The following CSMD1 variants were observed in gnomAD, a reference collection of about 807,000 sequenced individuals.
The protein encoded by CSMD1 is CUB and sushi domain-containing protein 1.
A neutral mutation model predicts 417.5 loss-of-function variants in CSMD1; 213 were observed. The observed-to-expected ratio is 0.51, with a 90% CI of 0.46 to 0.57. CSMD1 has a LOEUF of 0.57. Among genes scored for constraint, CSMD1 ranks in the 20% least tolerant of loss-of-function variants. The pLI, the probability that CSMD1 is intolerant of heterozygous loss-of-function variation, is 0.00. For missense variants in CSMD1, 6,923 were observed against 4,529.7 expected (o/e 1.53, Z -15.17); for synonymous variants, 2,862 against 1,736.8 (o/e 1.65, Z -16.11).
intron 1 of CSMD1, among the ~76,000 whole-genome samples, chr8:4,870,995 G>A (rs971987513): frequency 5.9e-5 from 9 of 152,062 alleles, no homozygotes; most frequent in East Asian, 1.9e-4. Flanking sequence ...ATGCCACAGG[G>A]TCTGGTCTGG....
intron 1 of CSMD1, 28 bp from the exon 2 acceptor site, chr8:4,637,586 C>G: frequency 7.0e-7 from 1 of 1,428,742 alleles, no homozygotes; most frequent in Non-Finnish European, 9.7e-7. Context: ...CACAAAAAAG[C>G]ATATTATTCT....
At chr8:4,933,598 C>T (rs553032448) in intron 1 of CSMD1, among the ~76,000 whole-genome samples, 7 of 152,238 alleles carry the variant, frequency 4.6e-5, no homozygotes, top group Non-Finnish European at 8.8e-5. Context: ...CAAGCCTCTC[C>T]GGCACCAAGT....
chr8:4,024,369 G>A (rs758627390), intron 4 of CSMD1, among the ~76,000 whole-genome samples: 10 of 152,176 alleles, frequency 6.6e-5, no homozygotes, highest in African/African-American at 2.2e-4. Context: ...TGTGGCATAA[G>A]AGTATGGATA....
chr8:3,909,696 C>A (rs1035745153), intron 5 of CSMD1, among the ~76,000 whole-genome samples: 1 of 152,082 alleles, frequency 6.6e-6, no homozygotes, highest in African/African-American at 2.4e-5. Context: ...ATTCCTCCTT[C>A]GAAATTCTTG....
chr8:4,002,418 G>T (rs138615079), intron 4 of CSMD1, among the ~76,000 whole-genome samples: 1 of 152,238 alleles, frequency 6.6e-6, no homozygotes, highest in Admixed American at 6.5e-5. Context: ...TAACTAATAT[G>T]TTTGATGAGC....
chr8:3,317,549 A>T (rs1202725315), intron 23 of CSMD1, among the ~76,000 whole-genome samples: 5 of 152,270 alleles, frequency 3.3e-5, no homozygotes, highest in African/African-American at 1.2e-4. Flanking sequence ...GCAAGGGGTG[A>T]ATAGTTAAAA....
In CSMD1 at chr8:3,699,306, G is replaced by A. The variant is rs1163870392; in HGVS notation, c.1009+9108C>T. ...TCATAATTTTCCTGTTTCCTTCCAT[G>A]CAGTGGATATCATGATTCTGAAACT... is the stretch of plus-strand genomic sequence containing the variant. On this transcript the variant is annotated intron_variant, in intron 7 of 69. Transcript: ENST00000635120. Among the ~76,000 whole-genome samples, 8 of 152,156 alleles carry A rather than the reference G, an allele frequency of 5.3e-5. No homozygotes were observed. The East Asian group carries it at 1.5e-3, about 29-fold the overall frequency.
At chr8:3,710,040 G>T (rs1484723740) in intron 6 of CSMD1, among the ~76,000 whole-genome samples, 5 of 151,910 alleles carry the variant, frequency 3.3e-5, no homozygotes, top group African/African-American at 1.2e-4. Context: ...CTCTTGACCA[G>T]ATGCCTTACC....
At chr8:4,370,698 T>G (rs1802345208) in intron 3 of CSMD1, among the ~76,000 whole-genome samples, 1 of 152,228 alleles carries the variant, frequency 6.6e-6, no homozygotes, top group Non-Finnish European at 1.5e-5. Flanking sequence ...GACCTGAGAT[T>G]CTTTCCTCAG....
At chr8:4,566,309 C>T (rs1008908958) in intron 2 of CSMD1, among the ~76,000 whole-genome samples, 2 of 151,988 alleles carry the variant, frequency 1.3e-5, no homozygotes, top group South Asian at 4.1e-4. Flanking sequence ...GAAAGGAAAG[C>T]CATTGGCTCA....
chr8:4,316,650 G>A (rs574702864), intron 3 of CSMD1, among the ~76,000 whole-genome samples: 1 of 152,186 alleles, frequency 6.6e-6, no homozygotes, highest in African/African-American at 2.4e-5. Context: ...GGGGTACACT[G>A]TGTCAAGATG....
chr8:3,405,034 G>A (rs994662836), intron 15 of CSMD1, among the ~76,000 whole-genome samples: 1 of 152,058 alleles, frequency 6.6e-6, no homozygotes, highest in Non-Finnish European at 1.5e-5. Flanking sequence ...AATTTTAAGA[G>A]TCCTACTAAG....
chr8:3,294,276 C>T (rs992695501), intron 25 of CSMD1, among the ~76,000 whole-genome samples: 1 of 152,138 alleles, frequency 6.6e-6, no homozygotes, highest in African/African-American at 2.4e-5. Flanking sequence ...GGTCAGGGAC[C>T]CCCTTGAGGA....
intron 10 of CSMD1, among the ~76,000 whole-genome samples, chr8:3,537,891 A>T (rs1307911221): frequency 2.0e-5 from 3 of 152,200 alleles, no homozygotes; most frequent in Admixed American, 6.5e-5. Flanking sequence ...TTCATTGTTG[A>T]TGTTCCTTTT....
intron 2 of CSMD1, among the ~76,000 whole-genome samples, chr8:4,604,029 GAT>G (rs1295572828): frequency 6.6e-6 from 1 of 152,080 alleles, no homozygotes; most frequent in African/African-American, 2.4e-5. Flanking sequence ...AAACTGGAAA[GAT>G]ATGTATCAGT....
chr8:4,620,615 A>G (rs1158560836), intron 2 of CSMD1, among the ~76,000 whole-genome samples: 2 of 151,906 alleles, frequency 1.3e-5, no homozygotes, highest in Non-Finnish European at 2.9e-5. Flanking sequence ...AGACTGCTTG[A>G]AAAGCCCAAA....
At chr8:4,613,256 C>G (rs1256510369) in intron 2 of CSMD1, among the ~76,000 whole-genome samples, 1 of 152,154 alleles carries the variant, frequency 6.6e-6, no homozygotes, top group African/African-American at 2.4e-5. Flanking sequence ...ATTTAAATGA[C>G]AGAGTGATGA....
intron 3 of CSMD1, among the ~76,000 whole-genome samples, chr8:4,289,670 G>A (rs1008821606): frequency 6.6e-6 from 1 of 152,164 alleles, no homozygotes; most frequent in Admixed American, 6.5e-5. Context: ...AGTAACATGT[G>A]CTCAAGACAT....
intron 3 of CSMD1, among the ~76,000 whole-genome samples, chr8:4,037,784 T>G (rs921656241): frequency 6.6e-6 from 1 of 152,148 alleles, no homozygotes. Flanking sequence ...CTGAGGGCCT[T>G]GAACCATTCC....
Sources: gnomAD v4.1 joint callset for allele counts (sites outside exome capture counted in the v4.1 genomes callset) on GRCh38, gnomAD v4.1.1 for gene constraint, MANE v1.5 for transcripts, NCBI Gene and HGNC (gene_info 2026-07-23, HGNC 2026-07-21) for gene names.